The following KIAA1217 variants were observed in gnomAD, a reference collection of about 807,000 sequenced individuals.
KIAA1217 encodes sickle tail protein homolog.
A neutral mutation model predicts 163.9 loss-of-function variants in KIAA1217; 88 were observed. The observed-to-expected ratio is 0.54, with a 90% confidence interval of 0.45 to 0.64. KIAA1217 has a LOEUF of 0.64. KIAA1217 is among the 30% of genes least tolerant of loss of function. The pLI, the probability that KIAA1217 is intolerant of heterozygous loss-of-function variation, is 0.00. For synonymous variants in KIAA1217, 903 were observed against 923.1 expected, an observed-to-expected ratio of 0.98 and a Z score of 0.39; for missense variants, 2,372 against 2,475.0, an observed-to-expected ratio of 0.96 and a Z score of 0.88.
intron 3 of KIAA1217, among the ~76,000 whole-genome samples, chr10:24,416,717 C>G (rs1353908456): frequency 6.6e-6 from 1 of 152,150 alleles, no homozygotes; most frequent in African/African-American, 2.4e-5. Flanking sequence ...ACATCCCAGC[C>G]TGCAGCAAGC....
At chr10:23,697,310 T>C (rs1836111715) in intron 1 of KIAA1217, among the ~76,000 whole-genome samples, 1 of 152,236 alleles carries the variant, frequency 6.6e-6, no homozygotes, top group Non-Finnish European at 1.5e-5. Context: ...TTGCTACTAA[T>C]GTATGAATTT....
chr10:24,200,352 T>C (rs1277911862), intron 2 of KIAA1217, among the ~76,000 whole-genome samples: 1 of 152,128 alleles, frequency 6.6e-6, no homozygotes, highest in Non-Finnish European at 1.5e-5. Context: ...GAGGTCTCGC[T>C]GTGTTGCCTG....
At chr10:23,990,162 A>AATTCATTG (rs1846158312) in intron 1 of KIAA1217, among the ~76,000 whole-genome samples, 2 of 152,302 alleles carry the variant, frequency 1.3e-5, no homozygotes, top group South Asian at 4.1e-4. Context: ...CATTGGGATT[A>AATTCATTG]ATTCATTGAT....
At chr10:23,882,138 C>T (rs1403114834) in intron 1 of KIAA1217, among the ~76,000 whole-genome samples, 1 of 151,956 alleles carries the variant, frequency 6.6e-6, no homozygotes, top group African/African-American at 2.4e-5. Context: ...AAACCCACCA[C>T]AATTTTGAGG....
At chr10:24,355,811 C>T (rs1466643059) in intron 2 of KIAA1217, among the ~76,000 whole-genome samples, 7 of 131,484 alleles carry the variant, frequency 5.3e-5, no homozygotes, top group South Asian at 2.6e-4. Flanking sequence ...TACAGTGGCC[C>T]GATCTCGGCT....
At chr10:24,000,127 A>G (rs1479553746) in intron 1 of KIAA1217, among the ~76,000 whole-genome samples, 2 of 152,214 alleles carry the variant, frequency 1.3e-5, no homozygotes, top group South Asian at 2.1e-4. Context: ...TTCATATATT[A>G]TCATAATTTC....
chr10:24,127,151 C>T (rs2063498039), intron 2 of KIAA1217, among the ~76,000 whole-genome samples: 1 of 152,134 alleles, frequency 6.6e-6, no homozygotes, highest in East Asian at 1.9e-4. Context: ...GCAAAACTTT[C>T]CTGCTAGCTT....
intron 2 of KIAA1217, among the ~76,000 whole-genome samples, chr10:24,187,141 T>A (rs75749142): frequency 5.5e-5 from 1 of 18,278 alleles, no homozygotes; most frequent in African/African-American, 2.0e-4. Context: ...GTTCATTAAC[T>A]AATTGCAGAA....
chr10:24,142,094 G>A (rs1007976304), intron 2 of KIAA1217, among the ~76,000 whole-genome samples: 1 of 148,720 alleles, frequency 6.7e-6, no homozygotes, highest in African/African-American at 2.5e-5. Context: ...TTTCTATTAA[G>A]TCTTCAAAAG....
intron 1 of KIAA1217, among the ~76,000 whole-genome samples, chr10:24,213,303 A>C (rs1322317107): frequency 6.6e-6 from 1 of 151,958 alleles, no homozygotes; most frequent in Non-Finnish European, 1.5e-5. Context: ...CCTTGGGATG[A>C]CTCTGTCCAC....
chr10:24,481,430 C>G (rs139461303), intron 6 of KIAA1217: 1 of 152,268 alleles, frequency 6.6e-6, no homozygotes, highest in East Asian at 1.9e-4. Context: ...GACAATGTCT[C>G]CTTGTGAGTC....
In KIAA1217 at chr10:23,809,473, A is replaced by C. The variant is rs181522871; in HGVS notation, c.-321+114239A>C. 3.8e-3 allele frequency among the ~76,000 whole-genome samples: 571 copies of C among 152,174 alleles called. 8 individuals are homozygous for C. Among genetic ancestry groups the C allele is most frequent in the African/African-American group, 0.013 (527 of 41,560 alleles). On this transcript the variant is annotated intron_variant, in intron 1 of 18. Coordinates refer to the KIAA1217 transcript ENST00000376462. ...GCATAGAAAATAAAAAGGAATAAGG[A>C]AAGTGATTAATTCAATAAAGTGAGG...
intron 2 of KIAA1217, among the ~76,000 whole-genome samples, chr10:24,377,303 T>C (rs1008293516): frequency 1.3e-5 from 2 of 152,202 alleles, no homozygotes; most frequent in African/African-American, 4.8e-5. Flanking sequence ...TGGATCTCCA[T>C]GGAGCAAGGA....
intron 1 of KIAA1217, among the ~76,000 whole-genome samples, chr10:23,840,148 G>A (rs1309058998): frequency 6.6e-6 from 1 of 150,852 alleles, no homozygotes; most frequent in Non-Finnish European, 1.5e-5. Context: ...CAATGCTCTT[G>A]TAATTACGCT....
At chr10:24,049,030 C>CA (rs59235039) in intron 2 of KIAA1217, among the ~76,000 whole-genome samples, 12,949 of 85,390 alleles carry the variant, frequency 0.15, 1,422 homozygotes, top group African/African-American at 0.31. Flanking sequence ...TACTCTGTCT[C>CA]AAAAAAAAAA....
chr10:24,224,824 CTT>C (rs1286749568), intron 2 of KIAA1217, among the ~76,000 whole-genome samples: 12 of 121,008 alleles, frequency 9.9e-5, no homozygotes, highest in Admixed American at 1.7e-4. Context: ...AATCATTTGA[CTT>C]TTTTTTTTTT....
chr10:24,498,826 C>A (rs973807327), intron 8 of KIAA1217, among the ~76,000 whole-genome samples: 3 of 152,110 alleles, frequency 2.0e-5, no homozygotes, highest in Non-Finnish European at 2.9e-5. Context: ...AAAAAAATTG[C>A]GCTGTGAAAG....
chr10:24,401,254 C>T (rs1415933791), intron 3 of KIAA1217, among the ~76,000 whole-genome samples: 1 of 151,744 alleles, frequency 6.6e-6, no homozygotes, highest in Non-Finnish European at 1.5e-5. Context: ...AAAGAGCCTA[C>T]TTTAAGATAA....
chr10:23,741,837 T>C (rs1588699885), intron 1 of KIAA1217, among the ~76,000 whole-genome samples: 1 of 152,186 alleles, frequency 6.6e-6, no homozygotes, highest in African/African-American at 2.4e-5. Context: ...TGTGGATAGG[T>C]AGAGCAACAC....
Sources: allele counts gnomAD v4.1 joint callset (sites outside exome capture counted in the v4.1 genomes callset), GRCh38; gene constraint gnomAD v4.1.1; transcripts MANE v1.5; gene names NCBI Gene and HGNC (gene_info 2026-07-23, HGNC 2026-07-21).